TAFA5: variants seen among roughly 807,000 people sequenced by gnomAD.
TAFA5 encodes the protein chemokine-like protein TAFA-5.
A neutral mutation model predicts 15.3 loss-of-function variants in TAFA5; 6 were observed. The observed-to-expected ratio is 0.39, with a 90% CI of 0.21 to 0.77. The LOEUF (loss-of-function observed/expected upper bound fraction) is 0.77. Among genes scored for constraint, TAFA5 ranks in the 30% least tolerant of loss-of-function variants. TAFA5 has a pLI of 0.41. For missense variants in TAFA5, 161 were observed against 193.1 expected (o/e 0.83, Z 0.98); for synonymous variants, 103 against 80.7 (o/e 1.28, Z -1.48).
intron 1 of TAFA5, among the ~76,000 whole-genome samples, chr22:48,608,029 C>T (rs74820356): frequency 0.12 from 18,860 of 150,944 alleles, 1,296 homozygotes; most frequent in African/African-American, 0.16. Flanking sequence ...TCTCACACCA[C>T]GACAGCTCAG....
chr22:48,601,393 C>G (rs939295126), intron 1 of TAFA5, among the ~76,000 whole-genome samples: 4 of 152,088 alleles, frequency 2.6e-5, no homozygotes, highest in African/African-American at 9.7e-5. Context: ...GTGGCACCAT[C>G]TTGGCTCACC....
chr22:48,702,826 G>A (rs1928954910), intron 2 of TAFA5, among the ~76,000 whole-genome samples: 5 of 152,266 alleles, frequency 3.3e-5, no homozygotes, highest in African/African-American at 7.2e-5. Flanking sequence ...ATGGTGGCCC[G>A]GCGCTGTGCC....
At chr22:48,679,276 C>T (rs1423734866) in intron 2 of TAFA5, among the ~76,000 whole-genome samples, 1 of 114,950 alleles carries the variant, frequency 8.7e-6, no homozygotes, top group Non-Finnish European at 1.7e-5. Flanking sequence ...CCATCCATCC[C>T]TCTTCCGGCT....
At chr22:48,661,663 A>G (rs924434288) in intron 2 of TAFA5, among the ~76,000 whole-genome samples, 4 of 152,118 alleles carry the variant, frequency 2.6e-5, no homozygotes, top group African/African-American at 7.2e-5. Context: ...TTTGGAGGAG[A>G]TGCCGGGGGC....
At chr22:48,582,388 TACCACACACAAAATAC>T (rs1338434245) in intron 1 of TAFA5, among the ~76,000 whole-genome samples, 13 of 100,990 alleles carry the variant, frequency 1.3e-4, no homozygotes, top group South Asian at 3.5e-4. Context: ...ATACACCACA[TACCACACACAAAATAC>T]ACCACACACA....
intron 2 of TAFA5, among the ~76,000 whole-genome samples, chr22:48,688,076 T>C (rs937499705): frequency 7.0e-6 from 1 of 142,128 alleles, no homozygotes; most frequent in African/African-American, 2.5e-5. Context: ...GTTGGGGTTT[T>C]TTATTGTTTT....
At chr22:48,681,814 T>TTGACAAATCACAACTTCTGCACC (rs1215975061) in intron 2 of TAFA5, among the ~76,000 whole-genome samples, 7 of 122,458 alleles carry the variant, frequency 5.7e-5, no homozygotes, top group African/African-American at 7.9e-5. Context: ...TGGGGTGTTG[T>TTGACAAATCACAACTTCTGCACC]CCACATGTAG....
intron 1 of TAFA5, among the ~76,000 whole-genome samples, chr22:48,597,660 G>A (rs1184793244): frequency 1.4e-4 from 22 of 152,248 alleles, no homozygotes; most frequent in Non-Finnish European, 2.9e-4. Context: ...CACCACATGC[G>A]GTTATATCTG....
intron 1 of TAFA5, among the ~76,000 whole-genome samples, chr22:48,576,121 G>A (rs1202497791): frequency 1.4e-5 from 2 of 142,986 alleles, no homozygotes; most frequent in Admixed American, 6.9e-5. Flanking sequence ...GGCTCCGGGG[G>A]CGGCGGCGGG....
At chr22:48,716,437 G>A (rs540801596) in intron 3 of TAFA5, among the ~76,000 whole-genome samples, 266 of 152,238 alleles carry the variant, frequency 1.7e-3, no homozygotes, top group African/African-American at 6.0e-3. Flanking sequence ...CGAACACCAC[G>A]TGTTCTCACT....
intron 1 of TAFA5, among the ~76,000 whole-genome samples, chr22:48,593,241 G>T (rs1219477604): frequency 6.6e-6 from 1 of 152,206 alleles, no homozygotes; most frequent in Non-Finnish European, 1.5e-5. Flanking sequence ...GTATAAAGCG[G>T]AGCATTGGAG....
At chr22:48,531,523 G>A (rs143225114) in intron 1 of TAFA5, among the ~76,000 whole-genome samples, 1 of 152,292 alleles carries the variant, frequency 6.6e-6, no homozygotes, top group Non-Finnish European at 1.5e-5. Context: ...AGGTGCAGTC[G>A]ACATGTGGGT....
At chr22:48,738,243 C>T (rs1400408244) in intron 3 of TAFA5, among the ~76,000 whole-genome samples, 1 of 152,146 alleles carries the variant, frequency 6.6e-6, no homozygotes, top group Admixed American at 6.5e-5. Flanking sequence ...GGGAAGCCCC[C>T]GGAATGTCTA....
chr22:48,566,574 A>C lies in TAFA5; in HGVS notation c.112+76870A>C, dbSNP rs532876549. 1.5e-3 allele frequency among the ~76,000 whole-genome samples: 221 copies of C among 152,284 alleles called. 1 individual carries two copies. Among genetic ancestry groups the C allele is most frequent in the Admixed American group, 2.7e-3 (41 of 15,296 alleles). On this transcript the variant is annotated intron_variant, in intron 1 of 3. Coordinates refer to ENST00000402357, the MANE Select transcript of TAFA5 (RefSeq NM_001082967.3). The surrounding 1 kb of genome is among the most constrained non-coding windows in gnomAD (Gnocchi z 4.5). ...TGTTTGGCCTCTTTAGGGAGGTAGC[A>C]GGGGCTGCCCGGGTACACCTAGCTT...
intron 3 of TAFA5, among the ~76,000 whole-genome samples, chr22:48,727,542 A>G (rs1929749264): frequency 6.6e-6 from 1 of 152,230 alleles, no homozygotes; most frequent in South Asian, 2.1e-4. Context: ...GACAAGACCA[A>G]TCATGAAAGG....
chr22:48,678,064 T>G (rs548039671), intron 2 of TAFA5, among the ~76,000 whole-genome samples: 35 of 152,244 alleles, frequency 2.3e-4, no homozygotes, highest in African/African-American at 7.9e-4. Context: ...CTGTCTGATG[T>G]CAGCAGCTCC....
At chr22:48,516,435 T>C (rs1921409207) in intron 1 of TAFA5, among the ~76,000 whole-genome samples, 1 of 152,032 alleles carries the variant, frequency 6.6e-6, no homozygotes, top group African/African-American at 2.4e-5. Flanking sequence ...GAATATTCAG[T>C]GCAGACATCA....
chr22:48,655,438 G>A (rs9617410), intron 2 of TAFA5, among the ~76,000 whole-genome samples: 98,393 of 151,864 alleles, frequency 0.65, 32,612 homozygotes, highest in South Asian at 0.77. Context: ...AGGCACTAGC[G>A]TGTTCAGTTG....
At chr22:48,740,866 C>T (rs998702901) in intron 3 of TAFA5, among the ~76,000 whole-genome samples, 2 of 152,212 alleles carry the variant, frequency 1.3e-5, no homozygotes, top group African/African-American at 2.4e-5. Flanking sequence ...CGCCCTCACC[C>T]CTGAGAACCC....
Sources: gnomAD v4.1 joint callset for allele counts (sites outside exome capture counted in the v4.1 genomes callset) on GRCh38, gnomAD v4.1.1 for gene constraint, Gnocchi (gnomAD v3.1) non-coding constraint, MANE v1.5 for transcripts, NCBI Gene and HGNC (gene_info 2026-07-23, HGNC 2026-07-21) for gene names.